Variants in DOP1A observed in about 807,000 individuals in gnomAD.
DOP1A encodes protein DOP1A.
In DOP1A, 90 loss-of-function variants were observed where a neutral mutation model predicts 267.6. The observed-to-expected ratio is 0.34, with a 90% CI of 0.28 to 0.40. The LOEUF (loss-of-function observed/expected upper bound fraction) is 0.40. Among genes scored for constraint, DOP1A ranks in the 10% least tolerant of loss-of-function variants. DOP1A has a pLI of 1.00. For missense variants in DOP1A, 2,437 were observed against 2,900.4 expected, an observed-to-expected ratio of 0.84 and a Z score of 3.67; for synonymous variants, 932 against 999.1, an observed-to-expected ratio of 0.93 and a Z score of 1.27.
chr6:83,099,719 T>C (rs963391820), intron 3 of DOP1A, among the ~76,000 whole-genome samples: 2 of 138,078 alleles, frequency 1.4e-5, no homozygotes, highest in African/African-American at 6.3e-5. Context: ...TATATACATA[T>C]ATATATATAT....
At chr6:83,085,077 G>A (rs1386851091) in intron 1 of DOP1A, among the ~76,000 whole-genome samples, 3 of 152,160 alleles carry the variant, frequency 2.0e-5, no homozygotes, top group Admixed American at 1.3e-4. Flanking sequence ...AATGTATTCT[G>A]TATTTGAGGA....
At chr6:83,076,349 C>T (rs187259111) in intron 1 of DOP1A, among the ~76,000 whole-genome samples, 5 of 152,050 alleles carry the variant, frequency 3.3e-5, no homozygotes, top group East Asian at 1.9e-4. Flanking sequence ...TGGTGAAACC[C>T]GGTCTCTACT....
chr6:83,120,736 G>T lies in DOP1A; in HGVS notation c.1044G>T (p.Met348Ile), dbSNP rs1164867854. 6.3e-7 allele frequency: 1 copy of T among 1,584,294 alleles called. No homozygotes were observed. The highest frequency in any genetic ancestry group is 8.6e-7 in the Non-Finnish European group (1 of 1,159,266). The change falls in exon 10 of 39, where the codon ATG becomes ATT. Residue 348 changes from methionine to isoleucine, a missense_variant. Physicochemically the swap from Met to Ile is conservative, Grantham distance 10 (BLOSUM62 1). Coordinates refer to ENST00000349129, the MANE Select transcript of DOP1A (RefSeq NM_015018.4). ...GATTTGGAGAAGAGAACACTCTAAT[G>T]CAGGATCTAAAGCCTTTTCGCATTT... ...VNGFGEENTL[M>I]QDLKPFRILI... is the part of the protein sequence containing the mutation.
At chr6:83,150,069 G>C (rs548835068) in intron 27 of DOP1A, among the ~76,000 whole-genome samples, 1 of 152,238 alleles carries the variant, frequency 6.6e-6, no homozygotes, top group East Asian at 1.9e-4. Context: ...CTTCTTTGAG[G>C]ATATTTGATC....
Position 83,094,500 on chromosome 6 carries a change from C to T in DOP1A, c.-146-2231C>T, listed in dbSNP as rs189272932. Among the ~76,000 whole-genome samples, 244 of 152,278 alleles carry T rather than the reference C, an allele frequency of 1.6e-3. 3 individuals carry two copies. Among genetic ancestry groups the T allele is most frequent in the African/African-American group, 5.1e-3 (212 of 41,548 alleles). ...ACCAGACTGTTTTCCAGAGGAGCTA[C>T]GCCAATTTATGTTCCTCCAGCAGTG... On this transcript the variant is annotated intron_variant, in intron 1 of 38. Coordinates refer to ENST00000349129, the MANE Select transcript of DOP1A (RefSeq NM_015018.4).
intron 27 of DOP1A, 105 bp from the exon 28 acceptor site, chr6:83,151,488 G>A (rs1781666749): frequency 2.7e-6 from 2 of 734,568 alleles, no homozygotes; most frequent in Non-Finnish European, 4.3e-6. Context: ...ATTTAAAATG[G>A]AAATCAAGAC....
rs2128267321 is a variant in DOP1A, at chr6:83,137,960, G to T, written c.3918G>T (p.Lys1306Asn). 1.2e-6 allele frequency: 2 copies of T among 1,605,016 alleles called. No individual in the cohort carries two copies. Among genetic ancestry groups the T allele is most frequent in the Non-Finnish European group, 1.7e-6 (2 of 1,177,406 alleles). ...CTAAAGTAAAACTTGCCAGAAAAAA[G>T]GATGATGACAAGAAAAAATCTTCAA... ...AKPKVKLARK[K>N]DDDKKKSSNE... The change falls in exon 21 of 39, where the codon AAG (lysine) becomes AAT (asparagine). Residue 1306 changes from lysine (K) to asparagine (N), a missense_variant. By Grantham distance (94) the Lys-to-Asn change is moderately conservative. Coordinates refer to ENST00000349129, the MANE Select transcript of DOP1A (RefSeq NM_015018.4).
chr6:83,142,150 T>C, intron 24 of DOP1A, 104 bp downstream of exon 24: 1 of 1,371,116 alleles, frequency 7.3e-7, no homozygotes, highest in South Asian at 1.3e-5. Flanking sequence ...GATTCGAGTG[T>C]AAAGCAAAAG....
Position 83,153,563 on chromosome 6 carries a change from T to C in DOP1A, c.6182T>C (p.Val2061Ala). The C allele has an allele frequency of 6.2e-7, 1 of 1,610,350 alleles. No homozygotes were observed. The highest frequency in any genetic ancestry group is 1.1e-5 in the South Asian group (1 of 90,192). ...MVFYSDEKER[V>A]IPLLVNIMHY... ...TTCTATAGTGATGAAAAGGAGCGGGTTATTCCTTTACTTGTAAATATTATG... is the reference window on the plus strand; with the variant it reads ...TTCTATAGTGATGAAAAGGAGCGGGCTATTCCTTTACTTGTAAATATTATG... The change falls in exon 31 of 39, where the codon GTT becomes GCT. Residue 2061 changes from valine to alanine, a missense_variant. Physicochemically the swap from Val to Ala is moderately conservative, Grantham distance 64. Transcript: ENST00000349129.
At chr6:83,168,967 TAC>T (rs1438765234), downstream of DOP1A, 19 of 1,208,068 alleles carry the variant, frequency 1.6e-5, no homozygotes, top group East Asian at 6.1e-4. Flanking sequence ...CATAAAACTG[TAC>T]AGTTAGTGAC....
chr6:83,121,964 G>A lies in DOP1A; in HGVS notation c.1134G>A (p.Val378=). The A allele has an allele frequency of 6.2e-7, 1 of 1,610,810 alleles. No individual in the cohort carries two copies. The change falls in exon 11 of 39, where the codon GTG becomes GTA. Residue 378 remains valine (V), a synonymous_variant. Coordinates refer to ENST00000349129, the MANE Select transcript of DOP1A (RefSeq NM_015018.4). ...TTCTAGAAGATGTCCTGATTGAAGT[G>A]TTTAGAACATTATATTCTCAATGCA... ...PVILEDVLIE[V]FRTLYSQCKA...
chr6:83,100,933 T>G, intron 4 of DOP1A, 47 bp downstream of exon 4: 2 of 1,204,670 alleles, frequency 1.7e-6, no homozygotes, highest in Non-Finnish European at 2.2e-6. Flanking sequence ...AAAGAAAATG[T>G]ATTGCTAAAC....
intron 3 of DOP1A, among the ~76,000 whole-genome samples, chr6:83,097,605 G>A (rs139664262): frequency 1.6e-4 from 24 of 152,244 alleles, no homozygotes; most frequent in Non-Finnish European, 3.1e-4. Context: ...AGTTGCTTAC[G>A]CCTTGCAGCT....
chr6:83,158,838 AAATTT>A (rs1360263248), intron 36 of DOP1A, among the ~76,000 whole-genome samples: 1 of 152,162 alleles, frequency 6.6e-6, no homozygotes, highest in Non-Finnish European at 1.5e-5. Flanking sequence ...CCCTAGACAC[AAATTT>A]AATTTAAAGC....
At position 83,168,012 on chromosome 6, in the gene DOP1A, T is replaced by C. The variant is rs1786257641; in HGVS notation, c.7243T>C (p.Cys2415Arg). The change falls in exon 39 of 39, where the codon TGT (cysteine) becomes CGT (arginine). Residue 2415 changes from cysteine (C) to arginine (R), a missense_variant. Physicochemically the swap from Cys to Arg is radical, Grantham distance 180 (BLOSUM62 -3). Coordinates refer to ENST00000349129, the MANE Select transcript of DOP1A (RefSeq NM_015018.4). ...QVFNSKVTSR[C>R]GGHSGSPILY... ...CTTCAACAGCAAAGTCACAAGCCGA[T>C]GTGGAGGACACTCAGGGAGTCCTAT... 1.9e-6 allele frequency: 3 copies of C among 1,614,198 alleles called. No individual in the cohort carries two copies. The highest frequency in any genetic ancestry group is 2.5e-6 in the Non-Finnish European group (3 of 1,180,044).
chr6:83,153,763 A>T, intron 31 of DOP1A, 131 bp from the exon 32 acceptor site: 1 of 1,187,554 alleles, frequency 8.4e-7, no homozygotes, highest in Non-Finnish European at 1.2e-6. Context: ...TTCATATATT[A>T]TTTTTCTTAT....
rs1302446229 is a variant in DOP1A, at chr6:83,140,398, A to G, written c.5410A>G (p.Thr1804Ala). The G allele has an allele frequency of 6.2e-7, 1 of 1,604,270 alleles. No homozygotes were observed. Among genetic ancestry groups the G allele is most frequent in the Non-Finnish European group, 8.5e-7 (1 of 1,176,922 alleles). The change falls in exon 23 of 39, where the codon ACA becomes GCA. Residue 1804 changes from threonine to alanine, a missense_variant. Thr to Ala is a moderately conservative substitution (Grantham distance 58). Around this residue, in one of 9 missense-constraint regions of DOP1A, gnomAD observed 307 missense variants for 308.6 expected, o/e 0.99. Transcript: ENST00000349129. The stretch of plus-strand genomic sequence containing the variant: ...TCTTACCACTATTAATCTTGGAGCT[A>G]CAAAGGTTAGACAATTCATATTTAA... ...ASLTTINLGATKNLRQQILEL... is the reference protein window; with the variant it reads ...ASLTTINLGAAKNLRQQILEL...
chr6:83,158,456 G>A, intron 35 of DOP1A, 111 bp from the exon 36 acceptor site: 2 of 853,808 alleles, frequency 2.3e-6, no homozygotes, highest in Admixed American at 2.7e-5. Context: ...AAAAGATTCT[G>A]AAAATGTATT....
intron 6 of DOP1A, 125 bp from the exon 7 acceptor site, chr6:83,113,198 A>C: frequency 1.6e-6 from 1 of 622,506 alleles, no homozygotes; most frequent in Non-Finnish European, 2.7e-6. Flanking sequence ...AATAATGTAA[A>C]TATCTTTAAT....
Sources: allele counts gnomAD v4.1 joint callset (sites outside exome capture counted in the v4.1 genomes callset), GRCh38; gene constraint gnomAD v4.1.1; regional missense constraint gnomAD v4.1.1; transcripts MANE v1.5; gene names NCBI Gene and HGNC (gene_info 2026-07-23, HGNC 2026-07-21).